Variants in SOX5 observed in about 807,000 individuals in gnomAD.
SOX5 encodes transcription factor SOX-5.
SOX5 carries 9 observed loss-of-function variants against 92.0 expected under a neutral mutation model. The ratio of observed to expected loss-of-function variants is 0.10; its 90% CI spans 0.06 to 0.17. The LOEUF is 0.17. SOX5 is among the 10% of genes least tolerant of loss of function. The probability of loss-of-function intolerance (pLI) is 1.00; values close to 1 mark genes in which losing one functional copy is unlikely to be tolerated. For synonymous variants in SOX5, 344 were observed against 336.3 expected, an observed-to-expected ratio of 1.02 and a Z score of -0.25; for missense variants, 642 against 944.5, an observed-to-expected ratio of 0.68 and a Z score of 4.20.
chr12:23,681,521 CA>C (rs1351391923), intron 6 of SOX5, among the ~76,000 whole-genome samples: 1 of 151,116 alleles, frequency 6.6e-6, no homozygotes, highest in East Asian at 1.9e-4. Context: ...ATCATAATAA[CA>C]AAAAAGGTTG....
At chr12:24,409,586 T>C (rs1053236707) in intron 1 of SOX5, among the ~76,000 whole-genome samples, 3 of 152,232 alleles carry the variant, frequency 2.0e-5, no homozygotes, top group East Asian at 3.8e-4. Context: ...CTAGGTTATA[T>C]ACGGCAGATG....
upstream of SOX5, among the ~76,000 whole-genome samples, chr12:23,951,904 C>A (rs1477588099): frequency 6.6e-6 from 1 of 152,090 alleles, no homozygotes; most frequent in Non-Finnish European, 1.5e-5. Context: ...CCTACTCCCA[C>A]ACAGAAAAAT....
intron 1 of SOX5, among the ~76,000 whole-genome samples, chr12:23,898,063 A>G (rs544928888): frequency 6.6e-6 from 1 of 152,294 alleles, no homozygotes; most frequent in East Asian, 1.9e-4. Context: ...ATAACATAAT[A>G]ACCCATGACA....
intron 4 of SOX5, among the ~76,000 whole-genome samples, chr12:23,990,366 T>G (rs1244243483): frequency 6.6e-6 from 1 of 152,176 alleles, no homozygotes; most frequent in African/African-American, 2.4e-5. Flanking sequence ...ATCAAGGACC[T>G]TGACGATCTA....
intron 4 of SOX5, among the ~76,000 whole-genome samples, chr12:23,995,448 A>C (rs1950942774): frequency 6.6e-6 from 1 of 152,152 alleles, no homozygotes; most frequent in South Asian, 2.1e-4. Flanking sequence ...TAATCCCAGC[A>C]CTCTGGGAGG....
intron 3 of SOX5, among the ~76,000 whole-genome samples, chr12:23,776,971 T>A (rs977982774): frequency 6.6e-6 from 1 of 152,184 alleles, no homozygotes; most frequent in Non-Finnish European, 1.5e-5. Flanking sequence ...TTTCCTTTAT[T>A]TTTATAGCAC....
At chr12:24,424,554 C>A (rs1476910775) in intron 1 of SOX5, among the ~76,000 whole-genome samples, 1 of 152,026 alleles carries the variant, frequency 6.6e-6, no homozygotes, top group Non-Finnish European at 1.5e-5. Context: ...CTTGTCTTCC[C>A]CCCACCCCCC....
chr12:24,418,204 T>C (rs1328101847), intron 1 of SOX5, among the ~76,000 whole-genome samples: 2 of 152,140 alleles, frequency 1.3e-5, no homozygotes, highest in East Asian at 3.8e-4. Flanking sequence ...GTGTAATAGA[T>C]AATATTGTGG....
intron 8 of SOX5, among the ~76,000 whole-genome samples, chr12:23,635,988 C>G (rs756373444): frequency 4.6e-5 from 7 of 151,998 alleles, no homozygotes; most frequent in Non-Finnish European, 7.4e-5. Context: ...TTCACTAAGA[C>G]CAAAGAATAA....
At chr12:24,486,675 G>A (rs1362617908) in intron 1 of SOX5, among the ~76,000 whole-genome samples, 1 of 152,116 alleles carries the variant, frequency 6.6e-6, no homozygotes, top group African/African-American at 2.4e-5. Flanking sequence ...ATGTAACAGA[G>A]TAGTTTCAGG....
chr12:24,170,580 C>T (rs996276781), intron 4 of SOX5, among the ~76,000 whole-genome samples: 1 of 152,162 alleles, frequency 6.6e-6, no homozygotes, highest in African/African-American at 2.4e-5. Context: ...ACCCCGTCGG[C>T]CCACACATGT....
chr12:23,893,872 C>T lies in SOX5; in HGVS notation c.270+1921G>A, dbSNP rs571976590. On this transcript the variant is annotated intron_variant, in intron 2 of 14. Transcript: ENST00000451604. The stretch of plus-strand genomic sequence containing the variant: ...CATCATTGTACATAACTTACGTAAG[C>T]TCACAGTAAAAAGGAGAGGGAGGAA... Among the ~76,000 whole-genome samples the T allele has an allele frequency of 2.0e-5, 3 of 152,234 alleles. No individual in the cohort carries two copies. In the South Asian group the frequency reaches 6.2e-4, roughly 32 times the overall value.
At chr12:24,106,157 T>C (rs1020355535) in intron 4 of SOX5, among the ~76,000 whole-genome samples, 2 of 151,868 alleles carry the variant, frequency 1.3e-5, no homozygotes, top group Non-Finnish European at 2.9e-5. Flanking sequence ...GAGACTATAT[T>C]TGCAATGCGT....
chr12:24,452,360 C>T (rs1942435136), intron 1 of SOX5, among the ~76,000 whole-genome samples: 1 of 152,090 alleles, frequency 6.6e-6, no homozygotes, highest in African/African-American at 2.4e-5. Context: ...TAATGTGCAC[C>T]TCCTTCCTCC....
At chr12:23,766,981 A>G (rs889307488) in intron 3 of SOX5, among the ~76,000 whole-genome samples, 10 of 152,178 alleles carry the variant, frequency 6.6e-5, no homozygotes, top group African/African-American at 2.4e-4. Context: ...TGGGAAGCCA[A>G]GGCGAGAGAC....
intron 4 of SOX5, among the ~76,000 whole-genome samples, chr12:24,167,975 C>T (rs1953622762): frequency 6.6e-6 from 1 of 152,190 alleles, no homozygotes; most frequent in African/African-American, 2.4e-5. Flanking sequence ...GCACAGACTG[C>T]CATCTCTTAG....
chr12:24,449,939 T>C (rs1396198), intron 1 of SOX5, among the ~76,000 whole-genome samples: 47,197 of 152,016 alleles, frequency 0.31, 7,528 homozygotes, highest in Middle Eastern at 0.37. Context: ...TCTATGAAAG[T>C]ATTATCATCC....
rs186494506 is a variant in SOX5, at chr12:24,074,372, A to C, written c.-2+138971T>G. 1.0e-3 allele frequency among the ~76,000 whole-genome samples: 157 copies of C among 152,164 alleles called. 1 individual carries two copies. The highest frequency in any genetic ancestry group is 6.8e-3 in the Middle Eastern group (2 of 294). ...AGACAGTGAATGATTTCATAATCTT[A>C]ACTCAGGAAAAAAAAAACAGCTACC... is the stretch of plus-strand genomic sequence containing the variant. On this transcript the variant is annotated intron_variant, in intron 4 of 4. Coordinates refer to the SOX5 transcript ENST00000446891.
chr12:23,879,202 T>C (rs184850746), intron 2 of SOX5, among the ~76,000 whole-genome samples: 9 of 152,266 alleles, frequency 5.9e-5, no homozygotes, highest in Admixed American at 2.6e-4. Context: ...CCATATCAAC[T>C]TACCTCTAAG....
Sources: allele counts gnomAD v4.1 joint callset (sites outside exome capture counted in the v4.1 genomes callset), GRCh38; gene constraint gnomAD v4.1.1; transcripts MANE v1.5; gene names NCBI Gene and HGNC (gene_info 2026-07-23, HGNC 2026-07-21).